CDH23: variants seen among roughly 807,000 people sequenced by gnomAD.
The protein encoded by CDH23 is cadherin related 23.
A neutral mutation model predicts 317.1 loss-of-function variants in CDH23; 189 were observed. The ratio of observed to expected loss-of-function variants is 0.60; its 90% CI spans 0.53 to 0.67. CDH23 has a LOEUF of 0.67. Among genes scored for constraint, CDH23 ranks in the 30% least tolerant of loss-of-function variants. The probability of loss-of-function intolerance (pLI) is 0.00; values close to 1 mark genes in which losing one functional copy is unlikely to be tolerated. For synonymous variants in CDH23, 1,839 were observed against 1,876.8 expected (o/e 0.98, Z 0.52); for missense variants, 4,401 against 4,592.4 (o/e 0.96, Z 1.20).
chr10:71,511,689 T>C (rs112747509), intron 6 of CDH23: 3,643 of 223,406 alleles, frequency 0.016, 105 homozygotes, highest in African/African-American at 0.067. Context: ...CAGGCCCCTG[T>C]ACTGTGTACT....
At chr10:71,429,216 TCAGG>T (rs1179370438) in intron 1 of CDH23, among the ~76,000 whole-genome samples, 4 of 152,218 alleles carry the variant, frequency 2.6e-5, no homozygotes, top group African/African-American at 9.7e-5. Context: ...TTCTTATGTG[TCAGG>T]GGTCAGCTGG....
intron 9 of CDH23, among the ~76,000 whole-genome samples, chr10:71,605,255 A>T (rs1029176104): frequency 6.6e-6 from 1 of 151,636 alleles, no homozygotes; most frequent in African/African-American, 2.4e-5. Context: ...TTTTTTTTAA[A>T]AAAAAAAAGA....
chr10:71,450,768 C>A (rs758068424), intron 3 of CDH23, among the ~76,000 whole-genome samples: 7 of 152,136 alleles, frequency 4.6e-5, no homozygotes, highest in Non-Finnish European at 1.0e-4. Context: ...GGCCCCAGGG[C>A]TCAGCTCTTG....
At chr10:71,732,692 T>C (rs1331701720) in intron 32 of CDH23, 23 of 1,308,540 alleles carry the variant, frequency 1.8e-5, no homozygotes, top group Non-Finnish European at 2.0e-5. Context: ...TCCATTTTCA[T>C]ATGTAGGAGT....
chr10:71,517,892 G>T (rs1222571628), intron 6 of CDH23, among the ~76,000 whole-genome samples: 1 of 152,152 alleles, frequency 6.6e-6, no homozygotes, highest in Non-Finnish European at 1.5e-5. Flanking sequence ...CCTTTCCCTG[G>T]TCTGTCCCCT....
In CDH23 at chr10:71,807,675, T is replaced by C; in HGVS notation, c.8468T>C (p.Leu2823Pro). 1 of 1,613,852 alleles carries C rather than the reference T, an allele frequency of 6.2e-7. No individual in the cohort carries two copies. The highest frequency in any genetic ancestry group is 8.5e-7 in the Non-Finnish European group (1 of 1,179,810). The part of the protein sequence containing the change: ...PPRGPSPTLD[L>P]VADLTLQEVR... ...CGTGGACCCTCCCCAACCCTCGACCTGGTTGCTGACCTCACACTGCAGGAG... is the reference window on the plus strand; with the variant it reads ...CGTGGACCCTCCCCAACCCTCGACCCGGTTGCTGACCTCACACTGCAGGAG... The change falls in exon 59 of 70, where the codon CTG (leucine) becomes CCG (proline). Residue 2823 changes from leucine (L) to proline (P), a missense_variant. Leu to Pro is a moderately conservative substitution (Grantham distance 98, BLOSUM62 -3). Transcript: ENST00000224721.
chr10:71,813,163 C>T (rs1775263248), intron 68 of CDH23, 81 bp from the exon 69 acceptor site: 1 of 1,321,522 alleles, frequency 7.6e-7, no homozygotes, highest in Non-Finnish European at 1.1e-6. Context: ...TCCGTGTACC[C>T]CTTACTCCCA....
At chr10:71,676,850 C>G (rs576704378) in intron 15 of CDH23, among the ~76,000 whole-genome samples, 5 of 152,334 alleles carry the variant, frequency 3.3e-5, no homozygotes, top group African/African-American at 1.2e-4. Context: ...CAGAACCTTC[C>G]AGGCTTGGTG....
At chr10:71,584,053 G>A (rs528626692) in intron 9 of CDH23, among the ~76,000 whole-genome samples, 36 of 152,234 alleles carry the variant, frequency 2.4e-4, no homozygotes, top group Admixed American at 4.6e-4. Context: ...GGGTGCGCCC[G>A]GGCAACACTG....
chr10:71,815,195 C>A lies in CDH23; in HGVS notation c.9982C>A (p.Arg3328Ser). ...AEATAFERNA[R>S]TESAKSTPLH... ...GGCCACTGCCTTCGAGCGCAACGCC[C>A]GCACAGAATCCGCCAAATCCACACC... is the stretch of plus-strand genomic sequence containing the variant. Residue 3328 changes from arginine (R) to serine (S), a missense_variant, in exon 70 of 70, where the codon CGC becomes AGC. Around this residue, in one of 3 missense-constraint regions of CDH23, gnomAD observed 1,144 missense variants for 1,138.2 expected, o/e 1.01. Transcript: ENST00000224721. 1 of 1,608,164 alleles carries A rather than the reference C, an allele frequency of 6.2e-7. No individual in the cohort carries two copies. Among genetic ancestry groups the A allele is most frequent in the East Asian group, 2.2e-5 (1 of 44,682 alleles).
intron 47 of CDH23, among the ~76,000 whole-genome samples, chr10:71,792,248 T>C (rs1377230785): frequency 6.6e-6 from 1 of 152,154 alleles, no homozygotes; most frequent in Non-Finnish European, 1.5e-5. Flanking sequence ...ATTATTATAA[T>C]CTGTATGTAA....
intron 6 of CDH23, among the ~76,000 whole-genome samples, chr10:71,524,500 T>C (rs1259015191): frequency 2.0e-5 from 3 of 152,152 alleles, no homozygotes; most frequent in Non-Finnish European, 4.4e-5. Flanking sequence ...GAGGATGCCT[T>C]GCTCAGGGCT....
rs114387020 is a variant in CDH23 at position 71,410,873 on chromosome 10, C to G, written c.-6+13555C>G. Among the ~76,000 whole-genome samples, 440 of 152,276 alleles carry G rather than the reference C, an allele frequency of 2.9e-3. 2 individuals carry two copies. The highest frequency in any genetic ancestry group is 9.9e-3 in the African/African-American group (413 of 41,540). ...GTGAATATACCACAATTCATCCATT[C>G]TACTGTTGTTGGACTGGCGGGTTGC... is the stretch of plus-strand genomic sequence containing the variant. On this transcript the variant is annotated intron_variant, in intron 1 of 69. Transcript: ENST00000224721.
intron 17 of CDH23, among the ~76,000 whole-genome samples, chr10:71,680,811 TTTTTTTTTTTTCTTTTTC>T (rs1201082046): frequency 2.7e-5 from 1 of 37,568 alleles, no homozygotes; most frequent in Non-Finnish European, 7.5e-5. Context: ...TCTGTCTTTC[TTTTTTTTTTTTCTTTTTC>T]TTTTTTTTTT....
At chr10:71,505,867 A>G (rs1394138815) in intron 3 of CDH23, among the ~76,000 whole-genome samples, 1 of 152,246 alleles carries the variant, frequency 6.6e-6, no homozygotes, top group Non-Finnish European at 1.5e-5. Context: ...ATGTTCCAGC[A>G]ATTGTGCTCC....
In CDH23 at chr10:71,563,267, C is replaced by T. The variant is rs1443264701; in HGVS notation, c.430-3475C>T. ...GAAATGGGGAGGCTGGACTAGATGA[C>T]CCCAAGGTTCCTTCCAGCTCCTGCA... On this transcript the variant is annotated intron_variant, in intron 6 of 69. Transcript: ENST00000224721. Among the ~76,000 whole-genome samples, 4 of 152,122 alleles carry T rather than the reference C, an allele frequency of 2.6e-5. No individual in the cohort carries two copies. The East Asian group carries it at 5.8e-4, about 22-fold the overall frequency.
rs779480321 is a variant in CDH23 at position 71,812,536 on chromosome 10, C to A, written c.9437C>A (p.Ala3146Glu). ...CGGAACCTGGAGCTGGCCGCCCAGG[C>A]GGAGCATGAGGATGACCTACCGGAG... ...FCRNLELAAQAEHEDDLPENL... is the reference protein window; with the variant it reads ...FCRNLELAAQEEHEDDLPENL... Residue 3146 changes from alanine (A) to glutamate (E), a missense_variant, in exon 67 of 70, where the codon GCG (alanine) becomes GAG (glutamate). Physicochemically the swap from Ala to Glu is moderately radical, Grantham distance 107 (BLOSUM62 -1). Transcript: ENST00000224721. 1.2e-6 allele frequency: 2 copies of A among 1,613,474 alleles called. No homozygotes were observed. Among genetic ancestry groups the A allele is most frequent in the Admixed American group, 1.7e-5 (1 of 60,018 alleles).
chr10:71,657,553 C>T (rs1241378895), intron 14 of CDH23, among the ~76,000 whole-genome samples: 2 of 152,084 alleles, frequency 1.3e-5, no homozygotes, highest in Non-Finnish European at 2.9e-5. Context: ...ATAACAGGGC[C>T]CAAGAGGTAG....
At chr10:71,473,389 A>G (rs1232696539) in intron 3 of CDH23, among the ~76,000 whole-genome samples, 1 of 152,230 alleles carries the variant, frequency 6.6e-6, no homozygotes, top group Non-Finnish European at 1.5e-5. Context: ...GTGTTCATTC[A>G]TAAGTATTTG....
Sources: gnomAD v4.1 joint callset for allele counts (sites outside exome capture counted in the v4.1 genomes callset) on GRCh38, gnomAD v4.1.1 for gene constraint, gnomAD v4.1.1 regional missense constraint, MANE v1.5 for transcripts, NCBI Gene and HGNC (gene_info 2026-07-23, HGNC 2026-07-21) for gene names.